PRDM11: variants seen among roughly 807,000 people sequenced by gnomAD.
The protein encoded by PRDM11 is PR domain-containing protein 11.
Under a neutral mutation model 97.8 loss-of-function variants are expected in PRDM11, and 20 were observed. The ratio of observed to expected loss-of-function variants is 0.20; its 90% CI spans 0.14 to 0.30. The LOEUF is 0.30. Among genes scored for constraint, PRDM11 ranks in the 10% least tolerant of loss-of-function variants. PRDM11 has a pLI of 1.00. For synonymous variants in PRDM11, 599 were observed against 637.7 expected (o/e 0.94, Z 0.91); for missense variants, 1,139 against 1,555.2 (o/e 0.73, Z 4.50).
intron 4 of PRDM11, among the ~76,000 whole-genome samples, chr11:45,197,202 A>G (rs1289393660): frequency 6.6e-6 from 1 of 152,214 alleles, no homozygotes; most frequent in Non-Finnish European, 1.5e-5. Context: ...TTGCAACAAC[A>G]TGGGTAAACC....
intron 1 of PRDM11, among the ~76,000 whole-genome samples, chr11:45,125,479 T>C (rs985547390): frequency 1.3e-5 from 2 of 152,206 alleles, no homozygotes; most frequent in Admixed American, 1.3e-4. Context: ...GGGCATTTAG[T>C]GCTATAAATT....
At chr11:45,180,270 A>G (rs1852436336) in intron 1 of PRDM11, among the ~76,000 whole-genome samples, 3 of 152,178 alleles carry the variant, frequency 2.0e-5, no homozygotes, top group Admixed American at 2.0e-4. Context: ...GGCATAACGC[A>G]GCCAGGAGGC....
chr11:45,190,814 A>T (rs1019405134), intron 4 of PRDM11, among the ~76,000 whole-genome samples: 12 of 152,194 alleles, frequency 7.9e-5, no homozygotes, highest in Admixed American at 6.5e-4. Context: ...ATAATTTTTT[A>T]GTCATTAAAA....
At position 45,227,620 on chromosome 11, in the gene PRDM11, G is replaced by A; in HGVS notation, c.2995G>A (p.Glu999Lys). 1 of 1,533,932 alleles carries A rather than the reference G, an allele frequency of 6.5e-7. No homozygotes were observed. Among genetic ancestry groups the A allele is most frequent in the Non-Finnish European group, 8.7e-7 (1 of 1,146,738 alleles). ...FDLAAWPRSS[E>K]ELMSYGKEDM... ...CCTGGCTGCCTGGCCCAGGAGCAGTGAGGAGCTGATGAGCTATGGCAAGGA... is the reference window on the plus strand; with the variant it reads ...CCTGGCTGCCTGGCCCAGGAGCAGTAAGGAGCTGATGAGCTATGGCAAGGA... Residue 999 changes from glutamate (E) to lysine (K), a missense_variant, in exon 8 of 8, where the codon GAG becomes AAG. Around this residue, in one of 2 missense-constraint regions of PRDM11, gnomAD observed 710 missense variants for 1,044.9 expected, o/e 0.68. Transcript: ENST00000683152. The surrounding 1 kb of genome is among the most constrained non-coding windows in gnomAD (Gnocchi z 8.0).
In PRDM11 at chr11:45,231,457, A is replaced by C. The variant is rs1184059797; in HGVS notation, c.*3298A>C. On this transcript the variant is annotated 3_prime_UTR_variant, in exon 8 of 8. Coordinates refer to ENST00000683152, the MANE Select transcript of PRDM11 (RefSeq NM_001384648.1). ...AATGTTGTTACTTCAGACAAGACAG[A>C]GCCCTTTAACTCAGCCTCTGGCTTA... The C allele has an allele frequency of 2.0e-5, 3 of 152,128 alleles. No homozygotes were observed. The highest frequency in any genetic ancestry group is 7.2e-5 in the African/African-American group (3 of 41,410). The allele number at this position is 152,128 out of a possible 1,614,324, so 9.4% of individuals were successfully genotyped here. A position where few individuals can be genotyped will look rare whatever the true frequency, so the allele number is the denominator to read the frequency against.
chr11:45,202,970 G>T (rs1340889147), intron 4 of PRDM11, among the ~76,000 whole-genome samples: 1 of 152,218 alleles, frequency 6.6e-6, no homozygotes, highest in African/African-American at 2.4e-5. Context: ...AAGTTCGGGG[G>T]CAGGCCTGTA....
chr11:45,233,972 G>C lies in PRDM11; in HGVS notation c.*5813G>C, dbSNP rs1003358885. ...ACTCCCGCCGTAACAGGCAGGTTTAGTTCACATACACTGTTCGCATTCTGT... is the reference window on the plus strand; with the variant it reads ...ACTCCCGCCGTAACAGGCAGGTTTACTTCACATACACTGTTCGCATTCTGT... On this transcript the variant is annotated 3_prime_UTR_variant, in exon 8 of 8. Coordinates refer to ENST00000683152, the MANE Select transcript of PRDM11 (RefSeq NM_001384648.1). 9 of 152,336 alleles carry C rather than the reference G, an allele frequency of 5.9e-5. No homozygotes were observed. The highest frequency in any genetic ancestry group is 1.9e-4 in the African/African-American group (8 of 41,482). The allele number at this position is 152,336 out of a possible 1,614,324, so 9.4% of individuals were successfully genotyped here.
At chr11:45,166,161 C>T (rs1396970223) in intron 1 of PRDM11, among the ~76,000 whole-genome samples, 1 of 152,186 alleles carries the variant, frequency 6.6e-6, no homozygotes, top group East Asian at 1.9e-4. Context: ...ATCTTGAGAG[C>T]TTCAGGTACA....
At position 45,126,350 on chromosome 11, in the gene PRDM11, T is replaced by C. The variant is rs1852572364; in HGVS notation, c.96+30449T>C. Among the ~76,000 whole-genome samples the C allele has an allele frequency of 3.3e-5, 5 of 152,086 alleles. No individual in the cohort carries two copies. In the South Asian group the frequency reaches 6.2e-4, roughly 19 times the overall value. On this transcript the variant is annotated intron_variant, in intron 1 of 6. Transcript: ENST00000530656. ...AGCCCATTTACATTTAAAGTTAATA[T>C]TGTTATGTGTGAATTTGATCCTGTC... is the stretch of plus-strand genomic sequence containing the variant.
chr11:45,198,051 A>G lies in PRDM11; in HGVS notation c.487-6660A>G, dbSNP rs116181256. 4.1e-3 allele frequency among the ~76,000 whole-genome samples: 623 copies of G among 152,330 alleles called. 4 individuals are homozygous for G. Among genetic ancestry groups the G allele is most frequent in the African/African-American group, 0.014 (571 of 41,558 alleles). On this transcript the variant is annotated intron_variant, in intron 4 of 7. Coordinates refer to ENST00000683152, the MANE Select transcript of PRDM11 (RefSeq NM_001384648.1). ...TAATAAAAGGAAGTTTTGGATTAAT[A>G]AAAGGAAGTTCTCATTTCCTTATCA...
chr11:45,227,226 C>T lies in PRDM11; in HGVS notation c.2601C>T (p.Ala867=). The change falls in exon 8 of 8, where the codon GCC becomes GCT. Residue 867 remains alanine (A), a synonymous_variant. Transcript: ENST00000683152. The surrounding 1 kb of genome is among the most constrained non-coding windows in gnomAD (Gnocchi z 8.0). The part of the protein sequence containing the change: ...QRADASAIAL[A]LLQFLMDYQS... The stretch of plus-strand genomic sequence containing the variant: ...CAGACGCCTCGGCCATCGCACTGGC[C>T]CTGCTGCAGTTCCTCATGGACTACC... 6.5e-7 allele frequency: 1 copy of T among 1,533,966 alleles called. No homozygotes were observed. Among genetic ancestry groups the T allele is most frequent in the South Asian group, 1.2e-5 (1 of 83,966 alleles).
chr11:45,137,010 A>G (rs890948155), intron 1 of PRDM11, among the ~76,000 whole-genome samples: 6 of 151,654 alleles, frequency 4.0e-5, no homozygotes, highest in African/African-American at 1.2e-4. Context: ...AAAAAGAAAA[A>G]AAATTAGCTG....
intron 1 of PRDM11, among the ~76,000 whole-genome samples, chr11:45,169,618 C>T (rs530360833): frequency 2.2e-4 from 33 of 152,328 alleles, no homozygotes; most frequent in Middle Eastern, 6.8e-3. Context: ...TGACCTTGAG[C>T]AGTAGGATGT....
At chr11:45,145,131 C>T (rs1851478537), upstream of PRDM11, among the ~76,000 whole-genome samples, 1 of 152,134 alleles carries the variant, frequency 6.6e-6, no homozygotes, top group African/African-American at 2.4e-5. Context: ...GGTGCTGGGC[C>T]CTTTAAATAC....
In PRDM11 at chr11:45,208,293, C is replaced by G. The variant is rs78648603; in HGVS notation, c.554+3515C>G. Among the ~76,000 whole-genome samples, 789 of 152,292 alleles carry G rather than the reference C, an allele frequency of 5.2e-3. 7 individuals carry two copies. The highest frequency in any genetic ancestry group is 0.018 in the African/African-American group (759 of 41,566). ...GAAGAGAGCCACTAGGCAGAATAAG[C>G]TTTCTGTGGCCACACCCTAATCATG... On this transcript the variant is annotated intron_variant, in intron 5 of 7. Coordinates refer to ENST00000683152, the MANE Select transcript of PRDM11 (RefSeq NM_001384648.1).
At chr11:45,108,540 G>A (rs1480621554) in intron 1 of PRDM11, among the ~76,000 whole-genome samples, 3 of 152,334 alleles carry the variant, frequency 2.0e-5, no homozygotes, top group African/African-American at 4.8e-5. Flanking sequence ...TGGGGCCCAC[G>A]GATCCCTTGC....
intron 1 of PRDM11, among the ~76,000 whole-genome samples, chr11:45,178,521 G>A (rs949429588): frequency 1.3e-5 from 2 of 152,192 alleles, no homozygotes; most frequent in African/African-American, 2.4e-5. Context: ...GAGATCACTG[G>A]AAGAGAGCTC....
chr11:45,190,047 C>T (rs1852853255), intron 4 of PRDM11, among the ~76,000 whole-genome samples: 1 of 152,104 alleles, frequency 6.6e-6, no homozygotes, highest in South Asian at 2.1e-4. Context: ...TACCCTCACA[C>T]CTGCCTGTAG....
chr11:45,157,105 G>A (rs1050807524), intron 1 of PRDM11, among the ~76,000 whole-genome samples: 1 of 152,164 alleles, frequency 6.6e-6, no homozygotes, highest in African/African-American at 2.4e-5. Flanking sequence ...TTAGCTTTGC[G>A]CCACAGAAAC....
Sources: gnomAD v4.1 joint callset for allele counts (sites outside exome capture counted in the v4.1 genomes callset) on GRCh38, gnomAD v4.1.1 for gene constraint, gnomAD v4.1.1 regional missense constraint, Gnocchi (gnomAD v3.1) non-coding constraint, MANE v1.5 for transcripts, NCBI Gene and HGNC (gene_info 2026-07-23, HGNC 2026-07-21) for gene names.